The following KCNIP1 variants were observed in gnomAD, a reference collection of about 807,000 sequenced individuals.
The protein encoded by KCNIP1 is potassium voltage-gated channel interacting protein 1, also known as A-type potassium channel modulatory protein KCNIP1.
Under a neutral mutation model 33.0 loss-of-function variants are expected in KCNIP1, and 18 were observed. That is an observed-to-expected ratio of 0.55 (90% confidence interval 0.38 to 0.81). The LOEUF is 0.81. Ranked by LOEUF, KCNIP1 falls within the 30% of genes least tolerant of loss-of-function variation. The pLI is 0.00. For synonymous variants in KCNIP1, 93 were observed against 98.3 expected, an observed-to-expected ratio of 0.95 and a Z score of 0.32; for missense variants, 238 against 271.6, an observed-to-expected ratio of 0.88 and a Z score of 0.87.
chr5:170,495,319 C>T (rs1263541511), intron 1 of KCNIP1, among the ~76,000 whole-genome samples: 1 of 152,188 alleles, frequency 6.6e-6, no homozygotes, highest in Non-Finnish European at 1.5e-5. Flanking sequence ...AGGAGGGTTT[C>T]CTGGACCGCA....
intron 1 of KCNIP1, among the ~76,000 whole-genome samples, chr5:170,367,349 AAAAGAAAG>A (rs57303478): frequency 0.069 from 5,311 of 76,778 alleles, 229 homozygotes; most frequent in East Asian, 0.096. Context: ...GAAGGAAAGA[AAAAGAAAG>A]AAAGAAAGAA....
At chr5:170,730,245 T>C (rs1479318340) in intron 5 of KCNIP1, among the ~76,000 whole-genome samples, 1 of 152,178 alleles carries the variant, frequency 6.6e-6, no homozygotes, top group Non-Finnish European at 1.5e-5. Context: ...TAGGATTTAG[T>C]TGGTCTTCAA....
chr5:170,648,771 T>A (rs115869910), intron 1 of KCNIP1, among the ~76,000 whole-genome samples: 1,545 of 152,302 alleles, frequency 0.01, 33 homozygotes, highest in African/African-American at 0.034. Context: ...GTGATAGTGA[T>A]GTGTCATTGT....
At chr5:170,494,556 G>A (rs904917191) in intron 1 of KCNIP1, among the ~76,000 whole-genome samples, 1 of 152,146 alleles carries the variant, frequency 6.6e-6, no homozygotes, top group African/African-American at 2.4e-5. Flanking sequence ...GAATGCCACG[G>A]CTCTTGGAAC....
chr5:170,444,382 G>A (rs930463618), intron 1 of KCNIP1, among the ~76,000 whole-genome samples: 4 of 152,002 alleles, frequency 2.6e-5, no homozygotes, highest in African/African-American at 7.3e-5. Flanking sequence ...TCTCTCTCTC[G>A]TGCCTCCCTA....
intron 1 of KCNIP1, among the ~76,000 whole-genome samples, chr5:170,550,648 GT>G (rs1449588729): frequency 6.6e-6 from 1 of 150,586 alleles, no homozygotes; most frequent in African/African-American, 2.5e-5. Flanking sequence ...GACAATGATG[GT>G]AACAGTGATG....
At chr5:170,681,429 C>T (rs1762344726) in intron 1 of KCNIP1, 2 of 308,484 alleles carry the variant, frequency 6.5e-6, no homozygotes, top group Admixed American at 1.0e-4. Flanking sequence ...TGCTCCGGCC[C>T]TATGAGCATG....
intron 1 of KCNIP1, among the ~76,000 whole-genome samples, chr5:170,624,679 T>TGGAGG (rs1759744551): frequency 7.2e-6 from 1 of 138,324 alleles, no homozygotes; most frequent in Non-Finnish European, 1.6e-5. Flanking sequence ...AGTTCTTGTG[T>TGGAGG]GGAGGGGAGG....
intron 1 of KCNIP1, among the ~76,000 whole-genome samples, chr5:170,454,386 G>C (rs955137168): frequency 1.3e-5 from 2 of 152,214 alleles, no homozygotes; most frequent in Non-Finnish European, 2.9e-5. Context: ...GAAACAAAGA[G>C]ATTGGCATTA....
At chr5:170,589,073 A>G (rs1758107609) in intron 1 of KCNIP1, among the ~76,000 whole-genome samples, 2 of 140,652 alleles carry the variant, frequency 1.4e-5, no homozygotes, top group South Asian at 4.3e-4. Context: ...ATCTCGGCTC[A>G]CTGCAAGCTC....
At chr5:170,522,595 A>G (rs1168682301) in intron 1 of KCNIP1, among the ~76,000 whole-genome samples, 2 of 152,214 alleles carry the variant, frequency 1.3e-5, no homozygotes, top group Non-Finnish European at 2.9e-5. Flanking sequence ...TCACTGCCAG[A>G]GGCTGGGGAA....
At chr5:170,716,283 G>A (rs1050274414) in intron 1 of KCNIP1, among the ~76,000 whole-genome samples, 2 of 152,198 alleles carry the variant, frequency 1.3e-5, no homozygotes, top group African/African-American at 4.8e-5. Context: ...TGAGGGATGG[G>A]ATCATTTCAT....
At chr5:170,646,746 A>G (rs1168625848) in intron 1 of KCNIP1, among the ~76,000 whole-genome samples, 1 of 152,136 alleles carries the variant, frequency 6.6e-6, no homozygotes, top group Non-Finnish European at 1.5e-5. Context: ...ATGCAATGAG[A>G]CAACAAAAGG....
At position 170,655,910 on chromosome 5, in the gene KCNIP1, A is replaced by G. The variant is rs180798258; in HGVS notation, c.62-62848A>G. ...ACCCGGCAAGAAATTAGAAAAATCTATGCATAGGAGAAAGCTTTCCAACAG... is the reference window on the plus strand; with the variant it reads ...ACCCGGCAAGAAATTAGAAAAATCTGTGCATAGGAGAAAGCTTTCCAACAG... On this transcript the variant is annotated intron_variant, in intron 1 of 7. Transcript: ENST00000328939. Among the ~76,000 whole-genome samples, 29 of 152,316 alleles carry G rather than the reference A, an allele frequency of 1.9e-4. No homozygotes were observed. The East Asian group carries it at 5.6e-3, about 29-fold the overall frequency.
At chr5:170,600,342 G>A (rs903587659) in intron 1 of KCNIP1, among the ~76,000 whole-genome samples, 11 of 152,294 alleles carry the variant, frequency 7.2e-5, no homozygotes, top group South Asian at 4.2e-4. Context: ...TGTATTTAGC[G>A]TCCAGGCTTT....
intron 1 of KCNIP1, among the ~76,000 whole-genome samples, chr5:170,444,060 A>G (rs1386124036): frequency 6.6e-6 from 1 of 152,240 alleles, no homozygotes; most frequent in African/African-American, 2.4e-5. Flanking sequence ...AACTTTAAGT[A>G]TGCAGATGTG....
intron 1 of KCNIP1, among the ~76,000 whole-genome samples, chr5:170,628,167 A>G (rs1459529455): frequency 7.2e-5 from 11 of 152,120 alleles, no homozygotes; most frequent in Admixed American, 7.2e-4. Flanking sequence ...CTGGGCGCTG[A>G]GACTATTGGG....
intron 1 of KCNIP1, among the ~76,000 whole-genome samples, chr5:170,525,518 C>T: frequency 6.6e-6 from 1 of 152,230 alleles, no homozygotes; most frequent in Non-Finnish European, 1.5e-5. Flanking sequence ...GCCTTCCCTC[C>T]CTAGAATGCA....
At chr5:170,612,425 G>T (rs964038381) in intron 1 of KCNIP1, among the ~76,000 whole-genome samples, 1 of 152,224 alleles carries the variant, frequency 6.6e-6, no homozygotes, top group African/African-American at 2.4e-5. Flanking sequence ...CTCTCCTGGC[G>T]GCTCCCTTTC....
Sources: allele counts gnomAD v4.1 joint callset (sites outside exome capture counted in the v4.1 genomes callset), GRCh38; gene constraint gnomAD v4.1.1; transcripts MANE v1.5; gene names NCBI Gene and HGNC (gene_info 2026-07-23, HGNC 2026-07-21).